Variants in SLC22A23 observed in about 807,000 individuals in gnomAD.
The protein encoded by SLC22A23 is solute carrier family 22 member 23.
A neutral mutation model predicts 61.0 loss-of-function variants in SLC22A23; 26 were observed. That is an observed-to-expected ratio of 0.43 (90% CI 0.31 to 0.59). The LOEUF (loss-of-function observed/expected upper bound fraction) is 0.59. Ranked by LOEUF, SLC22A23 falls within the 20% of genes least tolerant of loss-of-function variation. The pLI is 0.11. For missense variants in SLC22A23, 796 were observed against 934.7 expected (o/e 0.85, Z 1.94); for synonymous variants, 430 against 413.9 (o/e 1.04, Z -0.47).
intron 3 of SLC22A23, among the ~76,000 whole-genome samples, chr6:3,400,040 G>C (rs1431697580): frequency 1.3e-5 from 2 of 152,158 alleles, no homozygotes; most frequent in Admixed American, 6.5e-5. Context: ...CACCATGCCT[G>C]GCTAATTTTT....
At chr6:3,331,154 A>G (rs1282801539) in intron 3 of SLC22A23, among the ~76,000 whole-genome samples, 1 of 152,216 alleles carries the variant, frequency 6.6e-6, no homozygotes, top group Non-Finnish European at 1.5e-5. Context: ...CCAAGATCCC[A>G]CAGTTAAGAA....
chr6:3,395,513 A>T (rs1767949618), intron 3 of SLC22A23, among the ~76,000 whole-genome samples: 1 of 152,254 alleles, frequency 6.6e-6, no homozygotes, highest in African/African-American at 2.4e-5. Context: ...GACTAACTGC[A>T]TATTTAATTA....
chr6:3,329,340 T>C lies in SLC22A23; in HGVS notation c.914-5338A>G, dbSNP rs1343807659. ...TCTTCCTTAAATACGTTTAAGAAAC[T>C]CTTGAATGCTTATGACCATAGAGAG... On this transcript the variant is annotated intron_variant, in intron 3 of 9. Transcript: ENST00000406686. This position sits in a 1 kb window ranked among gnomAD's most constrained non-coding sequence, Gnocchi z 4.8. Among the ~76,000 whole-genome samples, 1 of 152,220 alleles carries C rather than the reference T, an allele frequency of 6.6e-6. No individual in the cohort carries two copies. The highest frequency in any genetic ancestry group is 1.5e-5 in the Non-Finnish European group (1 of 68,032).
intron 3 of SLC22A23, among the ~76,000 whole-genome samples, chr6:3,388,990 G>A (rs145948936): frequency 0.011 from 1,625 of 152,080 alleles, 26 homozygotes; most frequent in African/African-American, 0.037. Flanking sequence ...TGGTGGCTGC[G>A]GGCGTGGTGG....
At chr6:3,347,923 G>A (rs1004435350) in intron 3 of SLC22A23, among the ~76,000 whole-genome samples, 3 of 152,110 alleles carry the variant, frequency 2.0e-5, no homozygotes, top group Non-Finnish European at 2.9e-5. Context: ...GGAGGTGTGC[G>A]GCTGTTGCCC....
chr6:3,277,959 C>T (rs960607397), intron 9 of SLC22A23, among the ~76,000 whole-genome samples: 7 of 152,214 alleles, frequency 4.6e-5, no homozygotes, highest in African/African-American at 1.2e-4. Context: ...CTATGGCCAA[C>T]GGCCAGCAAG....
At chr6:3,453,960 A>T (rs1210660333) in intron 1 of SLC22A23, among the ~76,000 whole-genome samples, 2 of 152,192 alleles carry the variant, frequency 1.3e-5, no homozygotes, top group Admixed American at 6.5e-5. Context: ...GCCTTCCAAC[A>T]TGCCAAAATG....
chr6:3,438,370 T>G (rs1561982890), intron 1 of SLC22A23: 1 of 373,992 alleles, frequency 2.7e-6, no homozygotes, highest in Non-Finnish European at 5.3e-6. Context: ...GGTGCCTGCC[T>G]TGGCACAGGT....
intron 3 of SLC22A23, among the ~76,000 whole-genome samples, chr6:3,408,680 C>A (rs977065325): frequency 6.6e-6 from 1 of 152,186 alleles, no homozygotes; most frequent in Non-Finnish European, 1.5e-5. Flanking sequence ...ACCATCTTTG[C>A]GGTAAGGTAA....
chr6:3,306,654 C>A (rs930588309), intron 4 of SLC22A23, among the ~76,000 whole-genome samples: 1 of 152,176 alleles, frequency 6.6e-6, no homozygotes, highest in Non-Finnish European at 1.5e-5. Context: ...TTGCTCTAAG[C>A]TGGCTGGCTC....
Position 3,373,789 on chromosome 6 carries a change from G to A in SLC22A23, c.913+36399C>T, listed in dbSNP as rs990220866. On this transcript the variant is annotated intron_variant, in intron 3 of 9. Coordinates refer to ENST00000406686, the MANE Select transcript of SLC22A23 (RefSeq NM_015482.2). ...CTCAGGGGACAGTGACACTGTGATC[G>A]CTGCCCTTCAGAAACTTACGGTCCA... 3.3e-5 allele frequency among the ~76,000 whole-genome samples: 5 copies of A among 152,164 alleles called. No homozygotes were observed. The East Asian group carries it at 5.8e-4, about 18-fold the overall frequency.
chr6:3,416,774 G>C (rs1233226087), intron 1 of SLC22A23, among the ~76,000 whole-genome samples: 1 of 152,230 alleles, frequency 6.6e-6, no homozygotes, highest in East Asian at 1.9e-4. Flanking sequence ...AAAGCTTCTG[G>C]TCTGGACGCG....
At position 3,330,081 on chromosome 6, in the gene SLC22A23, C is replaced by A. The variant is rs1359307418; in HGVS notation, c.914-6079G>T. On this transcript the variant is annotated intron_variant, in intron 3 of 9. Coordinates refer to ENST00000406686, the MANE Select transcript of SLC22A23 (RefSeq NM_015482.2). This position sits in a 1 kb window ranked among gnomAD's most constrained non-coding sequence, Gnocchi z 4.7. ...GGGGCTTGGGGATCCCACCGCCCTG[C>A]CCAGCCCCAGAACACACAGGATTCA... Among the ~76,000 whole-genome samples, 1 of 152,184 alleles carries A rather than the reference C, an allele frequency of 6.6e-6. No homozygotes were observed. The highest frequency in any genetic ancestry group is 1.5e-5 in the Non-Finnish European group (1 of 68,020).
intron 1 of SLC22A23, among the ~76,000 whole-genome samples, chr6:3,424,931 T>C (rs185942754): frequency 6.6e-5 from 10 of 152,332 alleles, no homozygotes; most frequent in African/African-American, 2.4e-4. Flanking sequence ...GGACCATGTC[T>C]TATTCCTTCA....
At chr6:3,453,144 G>A (rs1328813283) in intron 1 of SLC22A23, among the ~76,000 whole-genome samples, 1 of 152,172 alleles carries the variant, frequency 6.6e-6, no homozygotes, top group Non-Finnish European at 1.5e-5. Flanking sequence ...CAACCAGAGC[G>A]ATAAGTATGG....
chr6:3,368,798 A>C (rs1004503303), intron 3 of SLC22A23, among the ~76,000 whole-genome samples: 1 of 152,172 alleles, frequency 6.6e-6, no homozygotes, highest in Admixed American at 6.5e-5. Flanking sequence ...AGGAAGTCCA[A>C]TCAGGCCAGG....
Position 3,456,316 on chromosome 6 carries a change from C to T in SLC22A23, c.244G>A (p.Gly82Arg). ...CCCCCGAGGAAGGGCAGCACCGACC[C>T]GTCATAGTCCAGCAACAAGAGGCTC... ...APSLLLLDYD[G>R]SVLPFLGGLG... is the part of the protein sequence containing the mutation. Residue 82 changes from glycine (G) to arginine (R), a missense_variant, in exon 1 of 10, where the codon GGG (glycine) becomes AGG (arginine). Coordinates refer to ENST00000406686, the MANE Select transcript of SLC22A23 (RefSeq NM_015482.2). This position sits in a 1 kb window ranked among gnomAD's most constrained non-coding sequence, Gnocchi z 7.1. The T allele has an allele frequency of 1.9e-6, 3 of 1,550,756 alleles. No homozygotes were observed. Among genetic ancestry groups the T allele is most frequent in the Non-Finnish European group, 2.6e-6 (3 of 1,146,776 alleles).
chr6:3,314,764 T>A (rs1036890090), intron 4 of SLC22A23, among the ~76,000 whole-genome samples: 6 of 152,304 alleles, frequency 3.9e-5, no homozygotes, highest in African/African-American at 1.4e-4. Context: ...CATGTCTGTT[T>A]TTTTCTAAGG....
Position 3,330,218 on chromosome 6 carries a change from C to T in SLC22A23, c.914-6216G>A, listed in dbSNP as rs890813061. Among the ~76,000 whole-genome samples the T allele has an allele frequency of 6.6e-5, 10 of 152,192 alleles. No individual in the cohort carries two copies. The highest frequency in any genetic ancestry group is 2.2e-4 in the African/African-American group (9 of 41,438). ...ACTAGAAGCCCATTTCCACCAGCAG[C>T]GGGAAAATGTGGAAAGGAAGGAGGT... On this transcript the variant is annotated intron_variant, in intron 3 of 9. Transcript: ENST00000406686. The surrounding 1 kb of genome is among the most constrained non-coding windows in gnomAD (Gnocchi z 4.7).
Sources: allele counts gnomAD v4.1 joint callset (sites outside exome capture counted in the v4.1 genomes callset), GRCh38; gene constraint gnomAD v4.1.1; non-coding constraint Gnocchi (gnomAD v3.1); transcripts MANE v1.5; gene names NCBI Gene and HGNC (gene_info 2026-07-23, HGNC 2026-07-21).